The following DNM1L variants were observed in gnomAD, a reference collection of about 807,000 sequenced individuals.
DNM1L encodes the protein dynamin 1L.
A neutral mutation model predicts 92.8 loss-of-function variants in DNM1L; 33 were observed. That is an observed-to-expected ratio of 0.36 (90% confidence interval 0.27 to 0.48). The LOEUF (loss-of-function observed/expected upper bound fraction) is 0.48, where lower values mean the gene tolerates loss of function less well. Ranked by LOEUF, DNM1L falls within the 20% of genes least tolerant of loss-of-function variation. DNM1L has a pLI of 0.99. For missense variants in DNM1L, 485 were observed against 888.8 expected (o/e 0.55, Z 5.78); for synonymous variants, 284 against 305.0 (o/e 0.93, Z 0.72).
At chr12:32,727,902 TATTAG>T (rs1215417625) in intron 9 of DNM1L, among the ~76,000 whole-genome samples, 1 of 152,238 alleles carries the variant, frequency 6.6e-6, no homozygotes, top group Non-Finnish European at 1.5e-5. Flanking sequence ...GAAGTAAGTT[TATTAG>T]ATTAAAGGAT....
intron 6 of DNM1L, among the ~76,000 whole-genome samples, chr12:32,718,030 A>G (rs1435980971): frequency 1.6e-5 from 2 of 126,480 alleles, no homozygotes; most frequent in Non-Finnish European, 3.2e-5. Context: ...TATTATAAAT[A>G]TATACTATAC....
At position 32,731,292 on chromosome 12, in the gene DNM1L, T is replaced by C. The variant is rs1204880343; in HGVS notation, c.1201-64T>C. On this transcript the variant is annotated intron_variant, in intron 10 of 19. Transcript: ENST00000549701. The surrounding 1 kb of genome is among the most constrained non-coding windows in gnomAD (Gnocchi z 5.1). ...ATGAAAAGTACCAAAAATGTGACTT[T>C]CTTAACCCTTGGGAAGAACTGAAAT... 3.1e-6 allele frequency: 5 copies of C among 1,607,458 alleles called. No homozygotes were observed. The highest frequency in any genetic ancestry group is 4.2e-6 in the Non-Finnish European group (5 of 1,176,636).
Position 32,714,836 on chromosome 12 carries a change from A to C in DNM1L, c.619+1465A>C, listed in dbSNP as rs902626310. On this transcript the variant is annotated intron_variant, in intron 6 of 19. Coordinates refer to ENST00000549701, the MANE Select transcript of DNM1L (RefSeq NM_012062.5). ...AGCCCCATCTCTATTAAAAAAAAAA[A>C]ACCACAAAAAACAATTAGCTGGGTA... Among the ~76,000 whole-genome samples the C allele has an allele frequency of 1.3e-3, 193 of 150,860 alleles. 1 individual carries two copies. Among genetic ancestry groups the C allele is most frequent in the Non-Finnish European group, 9.5e-4 (64 of 67,648 alleles).
chr12:32,696,039 T>C (rs942419220), intron 1 of DNM1L, among the ~76,000 whole-genome samples: 2 of 152,096 alleles, frequency 1.3e-5, no homozygotes, highest in Non-Finnish European at 1.5e-5. Context: ...GAATGGGTAC[T>C]AAAAATTACA....
At chr12:32,708,850 T>C (rs1338166092) in intron 4 of DNM1L, among the ~76,000 whole-genome samples, 2 of 152,118 alleles carry the variant, frequency 1.3e-5, no homozygotes, top group Non-Finnish European at 2.9e-5. Flanking sequence ...TCTGTCTTCT[T>C]TATTCCTATT....
intron 5 of DNM1L, 62 bp from the exon 6 acceptor site, chr12:32,713,147 T>G: frequency 6.4e-7 from 1 of 1,554,936 alleles, no homozygotes; most frequent in Non-Finnish European, 8.8e-7. Flanking sequence ...CGATTAAATG[T>G]GGGTAAAAAA....
In DNM1L at chr12:32,701,376, A is replaced by C. The variant is rs928222592; in HGVS notation, c.103-39A>C. 5.1e-5 allele frequency: 81 copies of C among 1,591,906 alleles called. 2 individuals are homozygous for C. The highest frequency in any genetic ancestry group is 1.1e-5 in the Non-Finnish European group (13 of 1,162,140). ...TTATTGAATTAACAAAAAATGTGTT[A>C]AGAAACTCATTTTGCTCTTGTATAT... is the stretch of plus-strand genomic sequence containing the variant. On this transcript the variant is annotated intron_variant, in intron 1 of 19. Coordinates refer to ENST00000549701, the MANE Select transcript of DNM1L (RefSeq NM_012062.5).
intron 1 of DNM1L, among the ~76,000 whole-genome samples, chr12:32,700,650 T>C (rs1952665410): frequency 6.6e-6 from 1 of 151,922 alleles, no homozygotes; most frequent in South Asian, 2.1e-4. Context: ...AAGGCTGATG[T>C]GGGAGGATCA....
chr12:32,731,134 TGTGA>T lies in DNM1L; in HGVS notation c.1200+3_1200+6del, dbSNP rs768256145. On this transcript the variant is annotated splice_donor_variant and splice_donor_region_variant and intron_variant, in intron 10 of 19. Transcript: ENST00000549701. LOFTEE classifies it high-confidence loss of function. This position sits in a 1 kb window ranked among gnomAD's most constrained non-coding sequence, Gnocchi z 5.1. ...TTTTGACTGCCATTAGAAATGCTAC[TGTGA>T]GTATGTTTAGCTTTTTAGACTGTAA... The T allele has an allele frequency of 1.2e-6, 2 of 1,614,062 alleles. No homozygotes were observed. Among genetic ancestry groups the T allele is most frequent in the Non-Finnish European group, 1.7e-6 (2 of 1,179,992 alleles).
intron 9 of DNM1L, chr12:32,728,433 T>C (rs1954302079): frequency 6.6e-6 from 1 of 152,228 alleles, no homozygotes; most frequent in Admixed American, 6.5e-5. Flanking sequence ...TGCAAAAGTA[T>C]AACTTTTATT....
At chr12:32,681,969 G>C (rs1951822096) in intron 1 of DNM1L, among the ~76,000 whole-genome samples, 1 of 151,932 alleles carries the variant, frequency 6.6e-6, no homozygotes, top group Non-Finnish European at 1.5e-5. Flanking sequence ...ACTCCAGCCT[G>C]GGCGACAGAG....
chr12:32,688,781 C>T (rs1040348135), intron 1 of DNM1L, among the ~76,000 whole-genome samples: 9 of 152,146 alleles, frequency 5.9e-5, no homozygotes, highest in African/African-American at 1.7e-4. Flanking sequence ...CTGAATCTCT[C>T]TCTTAGTGAT....
chr12:32,706,266 G>A (rs190601286), intron 2 of DNM1L, among the ~76,000 whole-genome samples: 5 of 152,094 alleles, frequency 3.3e-5, no homozygotes, highest in East Asian at 3.9e-4. Flanking sequence ...AAAAGGATCC[G>A]GTTTTATTTA....
intron 6 of DNM1L, among the ~76,000 whole-genome samples, chr12:32,717,362 T>A (rs1211295250): frequency 2.7e-5 from 2 of 74,116 alleles, no homozygotes; most frequent in Non-Finnish European, 4.9e-5. Context: ...ATATAGTATA[T>A]ATAATATATA....
chr12:32,683,498 G>T (rs779106290), intron 1 of DNM1L, among the ~76,000 whole-genome samples: 1 of 150,192 alleles, frequency 6.7e-6, no homozygotes, highest in Admixed American at 6.6e-5. Flanking sequence ...GAGTATAGGT[G>T]TGAGCCACTG....
intron 2 of DNM1L, among the ~76,000 whole-genome samples, chr12:32,703,842 CATTT>C (rs1203063037): frequency 1.3e-5 from 2 of 152,100 alleles, no homozygotes; most frequent in African/African-American, 4.8e-5. Flanking sequence ...ATCATCAGGA[CATTT>C]ATTTAGCATA....
intron 2 of DNM1L, chr12:32,706,758 C>T (rs937438734): frequency 4.4e-6 from 2 of 452,766 alleles, no homozygotes; most frequent in Admixed American, 4.8e-5. Flanking sequence ...TACAAAGCAG[C>T]TAGCTCTATA....
chr12:32,714,790 C>T (rs1382492342), intron 6 of DNM1L, among the ~76,000 whole-genome samples: 1 of 150,986 alleles, frequency 6.6e-6, no homozygotes, highest in South Asian at 2.1e-4. Flanking sequence ...AGTTCGAGAC[C>T]AGCCTGGGCA....
chr12:32,732,954 G>C (rs1954648537), intron 12 of DNM1L, among the ~76,000 whole-genome samples: 1 of 152,124 alleles, frequency 6.6e-6, no homozygotes, highest in Admixed American at 6.5e-5. Context: ...AAATTAGCCG[G>C]GCGTGGTGGT....
Sources: allele counts gnomAD v4.1 joint callset (sites outside exome capture counted in the v4.1 genomes callset), GRCh38; gene constraint gnomAD v4.1.1; non-coding constraint Gnocchi (gnomAD v3.1); transcripts MANE v1.5; gene names NCBI Gene and HGNC (gene_info 2026-07-23, HGNC 2026-07-21).